Variants in ATP2B4 observed in about 807,000 individuals in gnomAD.
ATP2B4 encodes the protein plasma membrane calcium-transporting ATPase 4.
A neutral mutation model predicts 110.3 loss-of-function variants in ATP2B4; 39 were observed. The ratio of observed to expected loss-of-function variants is 0.35; its 90% confidence interval spans 0.27 to 0.46. ATP2B4 has a LOEUF of 0.46. ATP2B4 is among the 20% of genes least tolerant of loss of function. The pLI is 1.00. For synonymous variants in ATP2B4, 538 were observed against 571.7 expected, an observed-to-expected ratio of 0.94 and a Z score of 0.84; for missense variants, 1,135 against 1,530.9, an observed-to-expected ratio of 0.74 and a Z score of 4.32.
At chr1:203,657,955 C>T (rs1285352669) in intron 1 of ATP2B4, among the ~76,000 whole-genome samples, 2 of 152,078 alleles carry the variant, frequency 1.3e-5, no homozygotes, top group Admixed American at 6.6e-5. Flanking sequence ...CCGCCCCCCT[C>T]AACCTCCCAA....
In ATP2B4 at chr1:203,670,154, C is replaced by T. The variant is rs142569708; in HGVS notation, c.-464-12588C>T. On this transcript the variant is annotated intron_variant, in intron 1 of 20. Transcript: ENST00000357681. ...TATGTATTCCCAAGTAATGGCCACT[C>T]GGCTTGAGTTCATACTCTTTTTTAT... Among the ~76,000 whole-genome samples, 80 of 150,502 alleles carry T rather than the reference C, an allele frequency of 5.3e-4. No individual in the cohort carries two copies. In the East Asian group the frequency reaches 6.3e-3, roughly 12 times the overall value.
At chr1:203,656,533 A>G (rs1350312260) in intron 1 of ATP2B4, among the ~76,000 whole-genome samples, 1 of 152,252 alleles carries the variant, frequency 6.6e-6, no homozygotes, top group Non-Finnish European at 1.5e-5. Context: ...GTCTTCTCAC[A>G]TACTTTTAGT....
chr1:203,652,114 C>T (rs1664015959), intron 1 of ATP2B4, among the ~76,000 whole-genome samples: 3 of 147,942 alleles, frequency 2.0e-5, no homozygotes, highest in Non-Finnish European at 3.0e-5. Flanking sequence ...AGGTTTCTAC[C>T]AACAGACTAC....
At chr1:203,703,610 C>T (rs765376148) in intron 7 of ATP2B4, 42 bp from the exon 8 acceptor site, 21 of 1,597,602 alleles carry the variant, frequency 1.3e-5, no homozygotes, top group Non-Finnish European at 1.6e-5. Flanking sequence ...TCAGTGCTAC[C>T]ACCTTGCCTG....
Position 203,714,289 on chromosome 1 carries a change from A to G in ATP2B4, c.2406+12A>G, listed in dbSNP as rs775212685. On this transcript the variant is annotated intron_variant, in intron 15 of 20. Coordinates refer to ENST00000357681, the MANE Select transcript of ATP2B4 (RefSeq NM_001684.5). ...TTGGTTTTGCCATGGTAAGCTCAGC[A>G]CAGTGTCTCTCTGATTGCAAGCTGC... is the stretch of plus-strand genomic sequence containing the variant. 24 of 1,613,780 alleles carry G rather than the reference A, an allele frequency of 1.5e-5. No homozygotes were observed. In the Admixed American group the frequency reaches 1.5e-4, roughly 10 times the overall value.
Position 203,714,597 on chromosome 1 carries a change from C to G in ATP2B4, c.2406+320C>G, listed in dbSNP as rs185426990. Reference sequence around the variant, plus strand: ...ATTTGTGTTCCCTATGGTAGGCGCTCTGTGTGGCTGGCACCATTGGGTATT... The same window carrying G: ...ATTTGTGTTCCCTATGGTAGGCGCTGTGTGTGGCTGGCACCATTGGGTATT... On this transcript the variant is annotated intron_variant, in intron 15 of 20. Coordinates refer to ENST00000357681, the MANE Select transcript of ATP2B4 (RefSeq NM_001684.5). Among the ~76,000 whole-genome samples, 323 of 152,292 alleles carry G rather than the reference C, an allele frequency of 2.1e-3. 2 individuals carry two copies. Among genetic ancestry groups the G allele is most frequent in the African/African-American group, 5.1e-3 (210 of 41,568 alleles).
chr1:203,631,817 CAG>C (rs1190206703), intron 1 of ATP2B4, among the ~76,000 whole-genome samples: 3 of 152,198 alleles, frequency 2.0e-5, no homozygotes, highest in South Asian at 2.1e-4. Context: ...TTTTTTGAGA[CAG>C]AGTCTCGCTC....
rs372669818 is a variant in ATP2B4 at position 203,683,170 on chromosome 1, C to A, written c.-36C>A. ...GGTCAGTTGAAGGGAAACGCTACAT[C>A]TTCTCTGGTTGAGGGGCTTGGTAAC... On this transcript the variant is annotated 5_prime_UTR_variant, in exon 2 of 21. Transcript: ENST00000357681. 6 of 1,599,396 alleles carry A rather than the reference C, an allele frequency of 3.8e-6. No homozygotes were observed. The highest frequency in any genetic ancestry group is 1.3e-5 in the African/African-American group (1 of 74,702).
rs1198622590 is a variant in ATP2B4, at chr1:203,653,974, TATATA to T, written c.-465+26756_-465+26760del. Among the ~76,000 whole-genome samples the T allele has an allele frequency of 8.9e-5, 11 of 123,468 alleles. No homozygotes were observed. In the South Asian group the frequency reaches 1.5e-3, roughly 17 times the overall value. The allele number at this position is 123,468 out of a possible 152,430, so 81.0% of individuals were successfully genotyped here. The stretch of plus-strand genomic sequence containing the variant: ...ATGGTTTGCCAAATATATATATATA[TATATA>T]TATATATTTTTTTTTTTTTTTGAGA... On this transcript the variant is annotated intron_variant, in intron 1 of 20. Transcript: ENST00000357681.
At chr1:203,709,189 A>T (rs1313040826) in intron 10 of ATP2B4, 112 bp from the exon 11 acceptor site, 2 of 1,307,904 alleles carry the variant, frequency 1.5e-6, no homozygotes, top group Non-Finnish European at 2.1e-6. Context: ...TATTTCCCCT[A>T]TGAGCTCCAG....
intron 6 of ATP2B4, 42 bp downstream of exon 6, chr1:203,700,965 C>A: frequency 1.3e-6 from 2 of 1,592,086 alleles, no homozygotes; most frequent in Non-Finnish European, 1.7e-6. Flanking sequence ...CTCTCATCCC[C>A]ATGGACAAAC....
rs751139146 is a variant in ATP2B4 at position 203,720,713 on chromosome 1, A to G, written c.2571A>G (p.Val857=). 1.7e-5 allele frequency: 28 copies of G among 1,613,196 alleles called. No homozygotes were observed. The Admixed American group carries it at 3.3e-4, about 19-fold the overall frequency. The change falls in exon 16 of 21, where the codon GTA becomes GTG. Residue 857 remains valine, a synonymous_variant. Coordinates refer to ENST00000357681, the MANE Select transcript of ATP2B4 (RefSeq NM_001684.5). The stretch of plus-strand genomic sequence containing the variant: ...CTGTCAATGTGGTGGCCGTGATTGT[A>G]GCCTTCACTGGAGCCTGTATCACTC... The part of the protein sequence containing the change: ...QLTVNVVAVI[V]AFTGACITQD...
intron 1 of ATP2B4, among the ~76,000 whole-genome samples, chr1:203,635,494 C>T (rs1193740110): frequency 6.6e-6 from 1 of 152,010 alleles, no homozygotes; most frequent in African/African-American, 2.4e-5. Context: ...GAAGACTCCA[C>T]CTCTACAAAA....
chr1:203,724,433 C>T (rs1040996056), intron 19 of ATP2B4, among the ~76,000 whole-genome samples: 1 of 152,044 alleles, frequency 6.6e-6, no homozygotes, highest in East Asian at 1.9e-4. Flanking sequence ...AGGAGAATGG[C>T]GTGAACCTGG....
intron 2 of ATP2B4, among the ~76,000 whole-genome samples, chr1:203,697,603 A>G (rs180927676): frequency 6.6e-6 from 1 of 152,340 alleles, no homozygotes; most frequent in Non-Finnish European, 1.5e-5. Context: ...GCCCATTTTT[A>G]GACTGAAAGT....
rs950091352 is a variant in ATP2B4, at chr1:203,715,475, C to T, written c.2406+1198C>T. Among the ~76,000 whole-genome samples the T allele has an allele frequency of 2.8e-5, 4 of 142,374 alleles. 1 individual carries two copies. The highest frequency in any genetic ancestry group is 6.2e-5 in the Non-Finnish European group (4 of 64,408). 93.4% of individuals were successfully genotyped at this position (142,374 alleles called of 152,430 possible). A position where few individuals can be genotyped will look rare whatever the true frequency, so the allele number is the denominator to read the frequency against. The stretch of plus-strand genomic sequence containing the variant: ...GGCTGAGGCAGGAGAATCACTTGAA[C>T]CTGGGAGGCAGAGGTTACGATGAGC... On this transcript the variant is annotated intron_variant, in intron 15 of 20. Transcript: ENST00000357681.
At chr1:203,649,476 G>C (rs1306597264) in intron 1 of ATP2B4, among the ~76,000 whole-genome samples, 1 of 152,140 alleles carries the variant, frequency 6.6e-6, no homozygotes, top group Non-Finnish European at 1.5e-5. Context: ...GCTTTGAAAA[G>C]TTAAAAGTGC....
At chr1:203,725,768 G>A (rs1207211143) in intron 19 of ATP2B4, among the ~76,000 whole-genome samples, 2 of 152,086 alleles carry the variant, frequency 1.3e-5, no homozygotes, top group Admixed American at 1.3e-4. Context: ...CAGCCACCCA[G>A]GTAATGGACA....
At chr1:203,651,547 A>T (rs932975805) in intron 1 of ATP2B4, among the ~76,000 whole-genome samples, 5 of 152,196 alleles carry the variant, frequency 3.3e-5, no homozygotes, top group Non-Finnish European at 5.9e-5. Flanking sequence ...TCTCTTGATA[A>T]CCATATGTAT....
Sources: allele counts gnomAD v4.1 joint callset (sites outside exome capture counted in the v4.1 genomes callset), GRCh38; gene constraint gnomAD v4.1.1; transcripts MANE v1.5; gene names NCBI Gene and HGNC (gene_info 2026-07-23, HGNC 2026-07-21).